CIB4: variants seen among roughly 807,000 people sequenced by gnomAD.
CIB4 encodes calcium and integrin binding family member 4, also known as calcium and integrin-binding family member 4.
CIB4 carries 25 observed loss-of-function variants against 25.8 expected under a neutral mutation model. The observed-to-expected ratio is 0.97, with a 90% confidence interval of 0.71 to 1.35. CIB4 has a LOEUF of 1.35. CIB4 is among the 40% of genes most tolerant of loss of function. The pLI is 0.00. For missense variants in CIB4, 235 were observed against 228.2 expected (o/e 1.03, Z -0.19); for synonymous variants, 75 against 81.4 (o/e 0.92, Z 0.42).
intron 4 of CIB4, among the ~76,000 whole-genome samples, chr2:26,589,056 C>A (rs1668521070): frequency 3.7e-5 from 1 of 26,684 alleles, no homozygotes; most frequent in Non-Finnish European, 7.7e-5. Flanking sequence ...TCTTCTTCTT[C>A]TTCCTCTTCC....
intron 3 of CIB4, among the ~76,000 whole-genome samples, chr2:26,626,787 A>AC (rs773569704): frequency 1.4e-4 from 22 of 151,944 alleles, no homozygotes; most frequent in Non-Finnish European, 2.8e-4. Flanking sequence ...AGCAGGCCTC[A>AC]CCCCACCTGC....
chr2:26,587,166 C>A (rs1371457567), intron 4 of CIB4, among the ~76,000 whole-genome samples: 1 of 151,776 alleles, frequency 6.6e-6, no homozygotes, highest in Admixed American at 6.6e-5. Flanking sequence ...ATTAGCCGGG[C>A]GTAGTGGCTG....
At chr2:26,582,222 G>A (rs750131151) in intron 6 of CIB4, among the ~76,000 whole-genome samples, 22 of 152,282 alleles carry the variant, frequency 1.4e-4, no homozygotes, top group East Asian at 5.8e-4. Flanking sequence ...AGCAGGAGAC[G>A]CCAGCTCCAC....
At chr2:26,632,952 G>C (rs778987991) in intron 2 of CIB4, among the ~76,000 whole-genome samples, 10 of 151,880 alleles carry the variant, frequency 6.6e-5, no homozygotes, top group Non-Finnish European at 1.0e-4. Flanking sequence ...CTAAGGCAAC[G>C]CACAAGTGAG....
chr2:26,633,475 C>T (rs1251616684), intron 2 of CIB4, among the ~76,000 whole-genome samples: 1 of 152,184 alleles, frequency 6.6e-6, no homozygotes, highest in African/African-American at 2.4e-5. Context: ...AGGGCCCACC[C>T]TTCTTCCAGG....
chr2:26,595,895 GCGCACACACACACACACA>G (rs1383896367), intron 3 of CIB4, among the ~76,000 whole-genome samples: 5 of 148,420 alleles, frequency 3.4e-5, no homozygotes, highest in Non-Finnish European at 7.4e-5. Context: ...ACTTATCTGC[GCGCACACACACACACACA>G]CACACACACA....
At chr2:26,585,516 G>A (rs1668435290) in intron 4 of CIB4, among the ~76,000 whole-genome samples, 1 of 152,062 alleles carries the variant, frequency 6.6e-6, no homozygotes, top group Non-Finnish European at 1.5e-5. Flanking sequence ...GATGGGCCGG[G>A]TGGTAAACAC....
intron 3 of CIB4, chr2:26,623,734 G>T: frequency 3.1e-6 from 1 of 327,858 alleles, no homozygotes; most frequent in Non-Finnish European, 6.5e-6. Context: ...GAGGGAAGAG[G>T]CCAGGGGGGT....
At chr2:26,640,406 A>G in intron 2 of CIB4, 127 bp downstream of exon 2, 1 of 965,176 alleles carries the variant, frequency 1.0e-6, no homozygotes, top group South Asian at 1.9e-5. Flanking sequence ...TCCCAGCCCC[A>G]TCTCCAGGGC....
In CIB4 at chr2:26,627,658, A is replaced by G. The variant is rs369102406; in HGVS notation, c.186+1752T>C. ...GGGGTGCCAGGAAGACCGCCTCCCC[A>G]TTTTGTTTCTGTCACAGTCACAGTC... On this transcript the variant is annotated intron_variant, in intron 3 of 6. Coordinates refer to ENST00000288861, the MANE Select transcript of CIB4 (RefSeq NM_001029881.3). The surrounding 1 kb of genome is among the most constrained non-coding windows in gnomAD (Gnocchi z 4.0). 2.6e-3 allele frequency among the ~76,000 whole-genome samples: 393 copies of G among 152,146 alleles called. 3 individuals carry two copies. The highest frequency in any genetic ancestry group is 9.2e-3 in the African/African-American group (382 of 41,518).
chr2:26,633,850 C>T (rs976052080), intron 2 of CIB4, among the ~76,000 whole-genome samples: 1 of 152,158 alleles, frequency 6.6e-6, no homozygotes, highest in Non-Finnish European at 1.5e-5. Context: ...CACTCTGCTG[C>T]TGACTGTCCG....
intron 6 of CIB4, among the ~76,000 whole-genome samples, chr2:26,581,632 G>A (rs1326240462): frequency 6.6e-6 from 1 of 152,224 alleles, no homozygotes; most frequent in Non-Finnish European, 1.5e-5. Context: ...TCGAATCAGT[G>A]GAAAGAAATG....
At chr2:26,600,780 T>G (rs1668766846) in intron 3 of CIB4, among the ~76,000 whole-genome samples, 1 of 152,168 alleles carries the variant, frequency 6.6e-6, no homozygotes, top group African/African-American at 2.4e-5. Flanking sequence ...TCCAAATTGA[T>G]CCATAAAGTT....
At chr2:26,601,231 A>AAAAAATAT (rs1395827334) in intron 3 of CIB4, among the ~76,000 whole-genome samples, 32 of 17,206 alleles carry the variant, frequency 1.9e-3, no homozygotes, top group African/African-American at 4.6e-3. Context: ...AAAAAAAAAA[A>AAAAAATAT]ATATATATAT....
chr2:26,638,501 C>T (rs1483773799), intron 2 of CIB4, among the ~76,000 whole-genome samples: 1 of 152,226 alleles, frequency 6.6e-6, no homozygotes, highest in African/African-American at 2.4e-5. Context: ...CCACCCCATG[C>T]TCTCTCCTGG....
chr2:26,641,059 A>AT (rs199568581), intron 1 of CIB4, among the ~76,000 whole-genome samples: 44 of 151,884 alleles, frequency 2.9e-4, no homozygotes, highest in East Asian at 2.9e-3. Context: ...TTTTTTCGTG[A>AT]TTTTTTTTTA....
At chr2:26,588,920 T>A (rs1250254964) in intron 4 of CIB4, among the ~76,000 whole-genome samples, 1 of 151,766 alleles carries the variant, frequency 6.6e-6, no homozygotes, top group Non-Finnish European at 1.5e-5. Flanking sequence ...GGCCAGTAGG[T>A]AAGCTCCAGG....
chr2:26,611,911 C>T (rs1250067221), intron 3 of CIB4, among the ~76,000 whole-genome samples: 1 of 152,012 alleles, frequency 6.6e-6, no homozygotes, highest in African/African-American at 2.4e-5. Context: ...TAAAATAAAG[C>T]TTGCCTAGGG....
At chr2:26,624,502 C>T (rs771752056) in intron 3 of CIB4, among the ~76,000 whole-genome samples, 1 of 152,094 alleles carries the variant, frequency 6.6e-6, no homozygotes, top group Non-Finnish European at 1.5e-5. Context: ...AGGTGACAAA[C>T]GGAGAACAAT....
Sources: allele counts gnomAD v4.1 joint callset (sites outside exome capture counted in the v4.1 genomes callset), GRCh38; gene constraint gnomAD v4.1.1; non-coding constraint Gnocchi (gnomAD v3.1); transcripts MANE v1.5; gene names NCBI Gene and HGNC (gene_info 2026-07-23, HGNC 2026-07-21).